Variants in IRGM observed in about 807,000 individuals in gnomAD.
The protein encoded by IRGM is immunity-related GTPase family M protein.
For synonymous variants in IRGM, 98 were observed against 80.6 expected, an observed-to-expected ratio of 1.22 and a Z score of -1.16; for missense variants, 288 against 219.9, an observed-to-expected ratio of 1.31 and a Z score of -1.96.
At chr5:150,896,828 A>C in intron 3 of IRGM, 1 of 1,613,772 alleles carries the variant, frequency 6.2e-7, no homozygotes. Context: ...GATTCTCTAG[A>C]AATCTCTGCA....
chr5:150,895,146 A>G (rs1266227042), intron 3 of IRGM: 3 of 307,078 alleles, frequency 9.8e-6, no homozygotes, highest in African/African-American at 6.5e-5. Context: ...TAGTATAAGG[A>G]ATATGCAACT....
chr5:150,862,137 G>GT (rs1385070919), intron 1 of IRGM, among the ~76,000 whole-genome samples: 2 of 152,202 alleles, frequency 1.3e-5, no homozygotes, highest in African/African-American at 4.8e-5. Context: ...TTTTTCAAGA[G>GT]TTTTTTCCTT....
chr5:150,862,284 C>A (rs1405404089), intron 1 of IRGM, among the ~76,000 whole-genome samples: 2 of 152,216 alleles, frequency 1.3e-5, no homozygotes, highest in African/African-American at 2.4e-5. Context: ...AGGATATAAT[C>A]TTACGTAATG....
intron 3 of IRGM, among the ~76,000 whole-genome samples, chr5:150,890,158 A>G (rs144484875): frequency 2.8e-4 from 43 of 152,116 alleles, no homozygotes; most frequent in African/African-American, 9.6e-4. Flanking sequence ...CCTGAATTTG[A>G]TAAGGTTTTA....
At chr5:150,888,672 A>G (rs979156763) in intron 3 of IRGM, among the ~76,000 whole-genome samples, 14 of 152,042 alleles carry the variant, frequency 9.2e-5, no homozygotes, top group African/African-American at 3.4e-4. Flanking sequence ...AAACCATGAA[A>G]ATTAACATGG....
In IRGM at chr5:150,847,958, C is replaced by G. The variant is rs1234462426; in HGVS notation, c.-166C>G. The G allele has an allele frequency of 1.7e-6, 1 of 598,448 alleles. No individual in the cohort carries two copies. Among genetic ancestry groups the G allele is most frequent in the African/African-American group, 1.9e-5 (1 of 53,950 alleles). 37.1% of individuals were successfully genotyped at this position (598,448 alleles called of 1,614,324 possible). On this transcript the variant is annotated 5_prime_UTR_variant, in exon 2 of 2. Coordinates refer to ENST00000522154, the MANE Select transcript of IRGM (RefSeq NM_001145805.2). Reference sequence around the variant, plus strand: ...AGCTGGGACTACAGGCGCACACCACCACGCGCAGCTAATTTTTTTGTATTT... The same window carrying G: ...AGCTGGGACTACAGGCGCACACCACGACGCGCAGCTAATTTTTTTGTATTT...
Position 150,848,315 on chromosome 5 carries a change from T to G in IRGM, c.192T>G (p.Pro64=). The G allele has an allele frequency of 6.4e-7, 1 of 1,551,780 alleles. No homozygotes were observed. The part of the protein sequence containing the change: ...RNTGHEGKAS[P]PTELVKATQR... ...CAGGACATGAGGGTAAGGCCTCACC[T>G]CCTACTGAGCTGGTAAAAGCTACCC... Residue 64 remains proline, a synonymous_variant, in exon 2 of 2, where the codon CCT becomes CCG. Coordinates refer to ENST00000522154, the MANE Select transcript of IRGM (RefSeq NM_001145805.2).
intron 1 of IRGM, among the ~76,000 whole-genome samples, chr5:150,871,071 C>T (rs1754276476): frequency 6.6e-6 from 1 of 152,078 alleles, no homozygotes. Context: ...ACTTAAGGGG[C>T]TTTATTTACA....
At chr5:150,879,502 T>G (rs549470407) in intron 2 of IRGM, 1 of 152,324 alleles carries the variant, frequency 6.6e-6, no homozygotes, top group African/African-American at 2.4e-5. Context: ...TGCCAAGTAC[T>G]TAGTCTGGCC....
chr5:150,889,382 T>A (rs536734044), intron 3 of IRGM, among the ~76,000 whole-genome samples: 28 of 151,988 alleles, frequency 1.8e-4, no homozygotes, highest in Non-Finnish European at 4.0e-4. Flanking sequence ...TCATGAGACT[T>A]ATTTACTATC....
intron 3 of IRGM, among the ~76,000 whole-genome samples, chr5:150,886,325 T>C (rs1754521923): frequency 6.6e-6 from 1 of 152,122 alleles, no homozygotes; most frequent in African/African-American, 2.4e-5. Context: ...TGAGGATTTT[T>C]GCATCAATGT....
intron 1 of IRGM, among the ~76,000 whole-genome samples, chr5:150,856,924 A>C (rs10068967): frequency 2.2e-4 from 29 of 133,702 alleles, no homozygotes; most frequent in African/African-American, 8.8e-4. Flanking sequence ...TTTATTATTT[A>C]TTATTTATTA....
chr5:150,865,852 G>C, intron 1 of IRGM, among the ~76,000 whole-genome samples: 1 of 152,182 alleles, frequency 6.6e-6, no homozygotes, highest in South Asian at 2.1e-4. Flanking sequence ...TGCCTCCTGG[G>C]TTCCAGCGAT....
At chr5:150,896,673 G>T (rs989307187) in intron 3 of IRGM, 3 of 1,613,278 alleles carry the variant, frequency 1.9e-6, no homozygotes, top group African/African-American at 2.7e-5. Flanking sequence ...CTTTTTAAAA[G>T]CATCATATTT....
At chr5:150,874,899 TG>T (rs889975293) in intron 1 of IRGM, among the ~76,000 whole-genome samples, 124 of 152,332 alleles carry the variant, frequency 8.1e-4, no homozygotes, top group African/African-American at 2.8e-3. Flanking sequence ...ACTGAACATT[TG>T]ACTATGGGTC....
intron 3 of IRGM, among the ~76,000 whole-genome samples, chr5:150,887,156 G>A (rs3906528): frequency 0.21 from 31,763 of 151,798 alleles, 5,369 homozygotes; most frequent in African/African-American, 0.45. Context: ...TGAAGATTCA[G>A]GAGAACAACA....
At chr5:150,862,981 A>G (rs1754157842) in intron 1 of IRGM, among the ~76,000 whole-genome samples, 1 of 152,232 alleles carries the variant, frequency 6.6e-6, no homozygotes, top group Non-Finnish European at 1.5e-5. Context: ...TCAGGGGCAG[A>G]AGAAGAAAGA....
intron 3 of IRGM, among the ~76,000 whole-genome samples, chr5:150,899,276 C>A (rs1754910362): frequency 6.6e-6 from 1 of 151,656 alleles, no homozygotes; most frequent in Admixed American, 6.6e-5. Context: ...CTATATAATA[C>A]CTGGGAAAAA....
downstream of IRGM, among the ~76,000 whole-genome samples, chr5:150,851,362 CAT>C (rs1341259618): frequency 6.6e-6 from 1 of 152,160 alleles, no homozygotes; most frequent in Non-Finnish European, 1.5e-5. Flanking sequence ...GGTAAAGAAT[CAT>C]AGACCCAAGT....
Sources: gnomAD v4.1 joint callset for allele counts (sites outside exome capture counted in the v4.1 genomes callset) on GRCh38, gnomAD v4.1.1 for gene constraint, MANE v1.5 for transcripts, NCBI Gene and HGNC (gene_info 2026-07-23, HGNC 2026-07-21) for gene names.